TLL2: variants seen among roughly 807,000 people sequenced by gnomAD.
TLL2 encodes tolloid-like protein 2.
Under a neutral mutation model 123.0 loss-of-function variants are expected in TLL2, and 106 were observed. That is an observed-to-expected ratio of 0.86 (90% CI 0.74 to 1.01). The LOEUF is 1.01. TLL2 is among the 50% of genes least tolerant of loss of function. TLL2 has a pLI of 0.00. For missense variants in TLL2, 1,332 were observed against 1,336.7 expected, an observed-to-expected ratio of 1.00 and a Z score of 0.06; for synonymous variants, 494 against 516.8, an observed-to-expected ratio of 0.96 and a Z score of 0.60.
intron 2 of TLL2, among the ~76,000 whole-genome samples, chr10:96,474,889 G>A (rs1040698625): frequency 1.3e-5 from 2 of 152,094 alleles, no homozygotes; most frequent in African/African-American, 2.4e-5. Flanking sequence ...GGCAACCCTG[G>A]TGTTCTTGGC....
At chr10:96,450,200 T>C (rs140351703) in intron 2 of TLL2, among the ~76,000 whole-genome samples, 24 of 150,958 alleles carry the variant, frequency 1.6e-4, no homozygotes, top group African/African-American at 4.1e-4. Context: ...GATGGATGGA[T>C]GGACATACGA....
intron 18 of TLL2, chr10:96,375,314 A>ACGG (rs1846127716): frequency 1.3e-5 from 2 of 152,270 alleles, no homozygotes; most frequent in South Asian, 4.1e-4. Flanking sequence ...CTCACATTCT[A>ACGG]TGGTAGCGAA....
chr10:96,490,235 G>A (rs1480261924), intron 1 of TLL2, among the ~76,000 whole-genome samples: 1 of 152,164 alleles, frequency 6.6e-6, no homozygotes, highest in Non-Finnish European at 1.5e-5. Context: ...ACATGTTTCT[G>A]GTAAGAAAGA....
intron 2 of TLL2, among the ~76,000 whole-genome samples, chr10:96,469,463 C>A (rs1410661912): frequency 6.6e-6 from 1 of 152,230 alleles, no homozygotes; most frequent in Non-Finnish European, 1.5e-5. Context: ...GGCCCACACA[C>A]CCCAGCCTCC....
At chr10:96,388,168 C>CT (rs969378771) in intron 13 of TLL2, among the ~76,000 whole-genome samples, 3 of 152,178 alleles carry the variant, frequency 2.0e-5, no homozygotes, top group Admixed American at 1.3e-4. Flanking sequence ...CTTTGGGAGG[C>CT]TGAGGCGGGT....
intron 7 of TLL2, among the ~76,000 whole-genome samples, chr10:96,418,454 G>A (rs1846586906): frequency 6.6e-6 from 1 of 152,162 alleles, no homozygotes; most frequent in African/African-American, 2.4e-5. Flanking sequence ...GGAAAGAACT[G>A]TAATGAGCAT....
chr10:96,437,621 T>A (rs1299947607), intron 3 of TLL2, among the ~76,000 whole-genome samples: 1 of 152,208 alleles, frequency 6.6e-6, no homozygotes, highest in African/African-American at 2.4e-5. Flanking sequence ...ATTCTGTCAT[T>A]TGATGAATAT....
rs199985300 is a variant in TLL2, at chr10:96,454,123, C to CT, written c.287-7956dup. Among the ~76,000 whole-genome samples the CT allele has an allele frequency of 6.4e-4, 97 of 151,712 alleles. 1 individual carries two copies. In the East Asian group the frequency reaches 0.015, roughly 24 times the overall value. On this transcript the variant is annotated intron_variant, in intron 2 of 20. Coordinates refer to ENST00000357947, the MANE Select transcript of TLL2 (RefSeq NM_012465.4). ...GCAGATGGAAAAGTTGTAATCCAAT[C>CT]TTTTTTTTTCTGCTTTTCTGCTCTG...
chr10:96,415,998 G>A (rs543158137), intron 7 of TLL2, among the ~76,000 whole-genome samples: 1 of 151,302 alleles, frequency 6.6e-6, no homozygotes, highest in East Asian at 2.0e-4. Flanking sequence ...CCCTTGACCT[G>A]TCTTTCTCTA....
intron 2 of TLL2, among the ~76,000 whole-genome samples, chr10:96,472,142 C>T (rs1212275599): frequency 1.3e-5 from 2 of 152,136 alleles, no homozygotes; most frequent in Non-Finnish European, 2.9e-5. Context: ...AACCTGTGGC[C>T]CTGGCAGCAG....
At chr10:96,450,420 TG>T (rs1302449818) in intron 2 of TLL2, among the ~76,000 whole-genome samples, 2 of 152,168 alleles carry the variant, frequency 1.3e-5, no homozygotes, top group African/African-American at 4.8e-5. Flanking sequence ...CTTATTTAAT[TG>T]GTCTGGGGCA....
intron 1 of TLL2, among the ~76,000 whole-genome samples, chr10:96,509,622 G>C (rs80138644): frequency 0.014 from 2,104 of 152,316 alleles, 25 homozygotes; most frequent in Non-Finnish European, 0.022. Context: ...CAAAGTCCTT[G>C]TGTAAGGCTC....
At chr10:96,464,239 C>T (rs992979396) in intron 2 of TLL2, among the ~76,000 whole-genome samples, 1 of 151,920 alleles carries the variant, frequency 6.6e-6, no homozygotes, top group African/African-American at 2.4e-5. Flanking sequence ...CAAAAATTAG[C>T]CAGGTGTGGT....
At chr10:96,370,413 C>G in intron 19 of TLL2, 98 bp from the exon 20 acceptor site, 3 of 1,439,878 alleles carry the variant, frequency 2.1e-6, no homozygotes, top group Non-Finnish European at 2.7e-6. Flanking sequence ...TGGTGCGTGC[C>G]TGGCAGGAGA....
At chr10:96,404,600 C>T (rs10509709) in intron 10 of TLL2, among the ~76,000 whole-genome samples, 2 of 151,906 alleles carry the variant, frequency 1.3e-5, no homozygotes, top group South Asian at 2.1e-4. Flanking sequence ...ATTTTGGACA[C>T]GATATTTGGT....
chr10:96,513,421 G>A, intron 1 of TLL2, 90 bp downstream of exon 1: 2 of 1,514,852 alleles, frequency 1.3e-6, no homozygotes, highest in Non-Finnish European at 1.8e-6. Context: ...GGGGAGACCC[G>A]CCCCATAGAC....
At chr10:96,488,745 A>G (rs1847382126) in intron 1 of TLL2, among the ~76,000 whole-genome samples, 1 of 152,164 alleles carries the variant, frequency 6.6e-6, no homozygotes, top group African/African-American at 2.4e-5. Context: ...TGATTCATTC[A>G]AGGTCACATA....
intron 1 of TLL2, among the ~76,000 whole-genome samples, chr10:96,497,880 A>G (rs1440861529): frequency 6.6e-6 from 1 of 152,226 alleles, no homozygotes; most frequent in Admixed American, 6.5e-5. Flanking sequence ...CTGGCTGGTA[A>G]TAGGGATGAC....
chr10:96,417,362 T>C (rs1345033346), intron 7 of TLL2, among the ~76,000 whole-genome samples: 1 of 152,186 alleles, frequency 6.6e-6, no homozygotes, highest in African/African-American at 2.4e-5. Flanking sequence ...GTCATCCACC[T>C]GCAACAAAAC....
Sources: allele counts gnomAD v4.1 joint callset (sites outside exome capture counted in the v4.1 genomes callset), GRCh38; gene constraint gnomAD v4.1.1; transcripts MANE v1.5; gene names NCBI Gene and HGNC (gene_info 2026-07-23, HGNC 2026-07-21).